NTRK2: variants seen among roughly 807,000 people sequenced by gnomAD.
The protein encoded by NTRK2 is BDNF/NT-3 growth factors receptor.
In NTRK2, 13 loss-of-function variants were observed where a neutral mutation model predicts 94.5. That is an observed-to-expected ratio of 0.14 (90% CI 0.09 to 0.22). The LOEUF is 0.22. NTRK2 is among the 10% of genes least tolerant of loss of function. The probability of loss-of-function intolerance (pLI) is 1.00; values close to 1 mark genes in which losing one functional copy is unlikely to be tolerated. For missense variants in NTRK2, 639 were observed against 1,071.2 expected (o/e 0.60, Z 5.63); for synonymous variants, 372 against 407.4 (o/e 0.91, Z 1.05).
intron 12 of NTRK2, among the ~76,000 whole-genome samples, chr9:84,755,880 C>T (rs1345656766): frequency 1.3e-5 from 2 of 152,026 alleles, no homozygotes; most frequent in African/African-American, 4.8e-5. Context: ...CCAATAGGCT[C>T]CCGGCCCTGT....
intron 13 of NTRK2, among the ~76,000 whole-genome samples, chr9:84,866,663 T>C (rs1325252188): frequency 6.6e-6 from 1 of 152,208 alleles, no homozygotes; most frequent in African/African-American, 2.4e-5. Context: ...GGAAAACAGT[T>C]TGGCAGTTCC....
In NTRK2 at chr9:84,992,441, G is replaced by A. The variant is rs905357575; in HGVS notation, c.2173-27765G>A. ...AGTGTTCCTGGTCCCCAGCCCCCTT[G>A]TAGCCTCTGATACCAGTGCTCACTG... On this transcript the variant is annotated intron_variant, in intron 17 of 18. Transcript: ENST00000277120. Among the ~76,000 whole-genome samples, 12 of 152,142 alleles carry A rather than the reference G, an allele frequency of 7.9e-5. 1 individual carries two copies. The highest frequency in any genetic ancestry group is 1.8e-4 in the Non-Finnish European group (12 of 67,972).
chr9:84,748,052 T>G (rs1412805073), intron 11 of NTRK2, among the ~76,000 whole-genome samples: 1 of 152,182 alleles, frequency 6.6e-6, no homozygotes, highest in East Asian at 1.9e-4. Flanking sequence ...TAAAAATGTT[T>G]CTGGTCCAAC....
In NTRK2 at chr9:84,992,943, T is replaced by C. The variant is rs191752113; in HGVS notation, c.2173-27263T>C. ...ATAAATATATTTAATGTATTATATA[T>C]ATATATAACGGTTCTCACTAAACCC... On this transcript the variant is annotated intron_variant, in intron 17 of 18. Transcript: ENST00000277120. 2.3e-3 allele frequency among the ~76,000 whole-genome samples: 348 copies of C among 150,146 alleles called. 10 individuals are homozygous for C. Among genetic ancestry groups the C allele is most frequent in the Admixed American group, 0.02 (300 of 14,954 alleles).
At chr9:84,807,638 A>T (rs1159616161) in intron 12 of NTRK2, among the ~76,000 whole-genome samples, 1 of 152,232 alleles carries the variant, frequency 6.6e-6, no homozygotes, top group Non-Finnish European at 1.5e-5. Context: ...TTGGCTGCTA[A>T]ACCCACAAGA....
At chr9:84,826,352 C>T (rs2073189079) in intron 12 of NTRK2, among the ~76,000 whole-genome samples, 1 of 152,186 alleles carries the variant, frequency 6.6e-6, no homozygotes, top group Non-Finnish European at 1.5e-5. Context: ...TCTCTGTGTC[C>T]TCTCTTCCTC....
At chr9:84,844,242 G>T (rs943506413) in intron 12 of NTRK2, among the ~76,000 whole-genome samples, 1 of 152,212 alleles carries the variant, frequency 6.6e-6, no homozygotes, top group Non-Finnish European at 1.5e-5. Context: ...GGCCATAGCT[G>T]CAGCTGCCTG....
At chr9:84,872,013 C>A in intron 14 of NTRK2, 1 of 1,491,124 alleles carries the variant, frequency 6.7e-7, no homozygotes, top group Admixed American at 2.1e-5. Flanking sequence ...GCTCTAATGA[C>A]TAACCCCTCA....
intron 15 of NTRK2, among the ~76,000 whole-genome samples, chr9:84,936,825 C>T (rs1424402302): frequency 1.3e-5 from 2 of 152,028 alleles, no homozygotes; most frequent in Non-Finnish European, 2.9e-5. Flanking sequence ...TGGTCACAAA[C>T]TTAAGAAGTC....
chr9:84,873,556 A>G, intron 14 of NTRK2: 1 of 1,053,944 alleles, frequency 9.5e-7, no homozygotes, highest in South Asian at 4.6e-5. Context: ...TTTCAACTCC[A>G]AAGGAGATGA....
intron 12 of NTRK2, among the ~76,000 whole-genome samples, chr9:84,766,704 C>T (rs2066062327): frequency 6.6e-6 from 1 of 151,730 alleles, no homozygotes. Flanking sequence ...CACACATACA[C>T]ACAACATACA....
intron 12 of NTRK2, among the ~76,000 whole-genome samples, chr9:84,828,962 T>A (rs924765362): frequency 6.6e-6 from 1 of 151,926 alleles, no homozygotes; most frequent in African/African-American, 2.4e-5. Flanking sequence ...GTTTTTTTTT[T>A]AAAGAAGCCA....
rs1006655391 is a variant in NTRK2, at chr9:84,798,095, C to T, written c.1396+46010C>T. On this transcript the variant is annotated intron_variant, in intron 12 of 18. Coordinates refer to ENST00000277120, the MANE Select transcript of NTRK2 (RefSeq NM_006180.6). Reference sequence around the variant, plus strand: ...TCACAGTCCTGGAGGCTGGGAAGTCCGATATCAAGGCACCAGCAGATTCAT... The same window carrying T: ...TCACAGTCCTGGAGGCTGGGAAGTCTGATATCAAGGCACCAGCAGATTCAT... 4.6e-5 allele frequency among the ~76,000 whole-genome samples: 7 copies of T among 150,914 alleles called. No individual in the cohort carries two copies. The East Asian group carries it at 7.9e-4, about 17-fold the overall frequency.
chr9:84,694,772 T>C (rs1409245530), intron 2 of NTRK2, among the ~76,000 whole-genome samples: 1 of 152,142 alleles, frequency 6.6e-6, no homozygotes, highest in East Asian at 1.9e-4. Flanking sequence ...TTTTATCAAA[T>C]CTAATCTATC....
chr9:84,954,644 C>T (rs181693439), intron 16 of NTRK2, among the ~76,000 whole-genome samples: 110 of 152,282 alleles, frequency 7.2e-4, no homozygotes, highest in African/African-American at 2.6e-3. Context: ...ATTGAGAATG[C>T]CCTGGGACTC....
rs1588431853 is a variant in NTRK2, at chr9:84,761,770, A to G, written c.1396+9685A>G. Among the ~76,000 whole-genome samples the G allele has an allele frequency of 1.3e-5, 2 of 152,276 alleles. 1 individual carries two copies. The highest frequency in any genetic ancestry group is 2.9e-5 in the Non-Finnish European group (2 of 67,998). On this transcript the variant is annotated intron_variant, in intron 12 of 18. Coordinates refer to ENST00000277120, the MANE Select transcript of NTRK2 (RefSeq NM_006180.6). ...GTCATCTCCAGAAAATATTGCCTCTAAGTTATCAATAGAAGGTATTTTCTA... is the reference window on the plus strand; with the variant it reads ...GTCATCTCCAGAAAATATTGCCTCTGAGTTATCAATAGAAGGTATTTTCTA...
intron 17 of NTRK2, among the ~76,000 whole-genome samples, chr9:84,959,434 T>C (rs1824604464): frequency 6.6e-6 from 1 of 152,222 alleles, no homozygotes; most frequent in Non-Finnish European, 1.5e-5. Flanking sequence ...AGCCTTCCAC[T>C]CATGGTGGCT....
At chr9:84,738,794 CTG>C (rs1254725293) in intron 9 of NTRK2, among the ~76,000 whole-genome samples, 1 of 152,164 alleles carries the variant, frequency 6.6e-6, no homozygotes. Flanking sequence ...AAAAGCAACT[CTG>C]TTATAGTTCG....
intron 2 of NTRK2, among the ~76,000 whole-genome samples, chr9:84,673,242 C>T (rs1564019569): frequency 6.6e-6 from 1 of 152,138 alleles, no homozygotes; most frequent in Non-Finnish European, 1.5e-5. Flanking sequence ...CTTTTTTGAC[C>T]TAAAAATGAC....
Sources: allele counts gnomAD v4.1 joint callset (sites outside exome capture counted in the v4.1 genomes callset), GRCh38; gene constraint gnomAD v4.1.1; transcripts MANE v1.5; gene names NCBI Gene and HGNC (gene_info 2026-07-23, HGNC 2026-07-21).